Variants in DISC1 observed in about 807,000 individuals in gnomAD.
DISC1 encodes the protein disrupted in schizophrenia 1 protein.
A neutral mutation model predicts 84.5 loss-of-function variants in DISC1; 57 were observed. The observed-to-expected ratio is 0.67, with a 90% CI of 0.55 to 0.84. The LOEUF (loss-of-function observed/expected upper bound fraction) is 0.84, where lower values mean the gene tolerates loss of function less well. Ranked by LOEUF, DISC1 falls within the 40% of genes least tolerant of loss-of-function variation. The probability of loss-of-function intolerance (pLI) is 0.00; values close to 1 mark genes in which losing one functional copy is unlikely to be tolerated. For missense variants in DISC1, 1,000 were observed against 1,057.8 expected (o/e 0.95, Z 0.76); for synonymous variants, 411 against 415.2 (o/e 0.99, Z 0.12).
intron 9 of DISC1, chr1:231,943,888 T>C (rs1476202215): frequency 2.0e-5 from 3 of 152,064 alleles, no homozygotes; most frequent in Admixed American, 6.5e-5. Context: ...TACAGCTGGA[T>C]AATTTTTGTA....
intron 1 of DISC1, among the ~76,000 whole-genome samples, chr1:231,662,531 G>A (rs2061645518): frequency 6.6e-6 from 1 of 151,934 alleles, no homozygotes. Flanking sequence ...TGGCCACAGT[G>A]TGGCAAAGCA....
chr1:231,953,912 T>G (rs1032054917), intron 9 of DISC1, among the ~76,000 whole-genome samples: 3 of 152,196 alleles, frequency 2.0e-5, no homozygotes, highest in African/African-American at 7.2e-5. Flanking sequence ...CCATTCAATC[T>G]GATAGCAAGT....
intron 10 of DISC1, among the ~76,000 whole-genome samples, chr1:231,969,596 TTC>T (rs35308927): frequency 0.44 from 37,539 of 85,274 alleles, 4,616 homozygotes; most frequent in Non-Finnish European, 0.47. Context: ...CTTTCTTTCT[TTC>T]TTTTTTTTTT....
chr1:231,630,238 A>G lies in DISC1; in HGVS notation c.67+3304A>G, dbSNP rs1457342360. The stretch of plus-strand genomic sequence containing the variant: ...GCCACTGCGCCGGGCCCTTTAAACA[A>G]GATTTAAAGACCAGCACACAAAGTT... On this transcript the variant is annotated intron_variant, in intron 1 of 12. Coordinates refer to ENST00000439617, the MANE Select transcript of DISC1 (RefSeq NM_018662.3). The surrounding 1 kb of genome is among the most constrained non-coding windows in gnomAD (Gnocchi z 4.4). 6.6e-6 allele frequency among the ~76,000 whole-genome samples: 1 copy of G among 152,204 alleles called. No homozygotes were observed.
intron 8 of DISC1, among the ~76,000 whole-genome samples, chr1:231,808,840 T>C (rs2079980572): frequency 1.3e-5 from 2 of 152,224 alleles, no homozygotes; most frequent in African/African-American, 4.8e-5. Context: ...CATCCCCTGG[T>C]CTTCAGATGG....
chr1:232,025,700 C>T (rs547536004), intron 11 of DISC1, among the ~76,000 whole-genome samples: 16 of 151,602 alleles, frequency 1.1e-4, no homozygotes, highest in African/African-American at 3.6e-4. Flanking sequence ...GGGTTCACGC[C>T]ATTCTCCTGC....
chr1:231,722,158 A>G (rs1213689484), intron 3 of DISC1, among the ~76,000 whole-genome samples: 2 of 151,984 alleles, frequency 1.3e-5, no homozygotes, highest in African/African-American at 4.8e-5. Flanking sequence ...TCTCAAAAAA[A>G]AAAAAAAAAA....
Position 231,779,558 on chromosome 1 carries a change from T to G in DISC1, c.1634+8488T>G, listed in dbSNP as rs867632200. Among the ~76,000 whole-genome samples, 12 of 139,632 alleles carry G rather than the reference T, an allele frequency of 8.6e-5. No individual in the cohort carries two copies. The South Asian group carries it at 1.5e-3, about 17-fold the overall frequency. 91.6% of individuals were successfully genotyped at this position (139,632 alleles called of 152,430 possible). A position where few individuals can be genotyped will look rare whatever the true frequency, so the allele number is the denominator to read the frequency against. Reference sequence around the variant, plus strand: ...TGGTCAACCTATTCTTGTTTTTTTTTTTTTTTTTTTTTTTTTTTTTAAGAT... The same window carrying G: ...TGGTCAACCTATTCTTGTTTTTTTTGTTTTTTTTTTTTTTTTTTTTAAGAT... On this transcript the variant is annotated intron_variant, in intron 6 of 12. Coordinates refer to ENST00000439617, the MANE Select transcript of DISC1 (RefSeq NM_018662.3).
At chr1:231,829,103 A>T (rs200244284) in intron 9 of DISC1, among the ~76,000 whole-genome samples, 3 of 152,178 alleles carry the variant, frequency 2.0e-5, no homozygotes, top group Non-Finnish European at 4.4e-5. Flanking sequence ...TGAGGTGTTT[A>T]ATGATTATTT....
At chr1:231,722,897 T>G in intron 3 of DISC1, 1 of 1,318,634 alleles carries the variant, frequency 7.6e-7, no homozygotes, top group South Asian at 1.7e-5. Context: ...TTGTTCTGTG[T>G]TGGGACAATT....
chr1:231,717,394 G>T (rs1357775580), intron 3 of DISC1, among the ~76,000 whole-genome samples: 1 of 152,194 alleles, frequency 6.6e-6, no homozygotes, highest in Non-Finnish European at 1.5e-5. Context: ...AGTGGTAGCT[G>T]GGGGTCTCTA....
chr1:231,903,947 G>A (rs139729922), intron 9 of DISC1, among the ~76,000 whole-genome samples: 1 of 152,342 alleles, frequency 6.6e-6, no homozygotes, highest in African/African-American at 2.4e-5. Flanking sequence ...GTCAGGCTGG[G>A]CACAGAAGAA....
intron 1 of DISC1, among the ~76,000 whole-genome samples, chr1:231,660,005 G>A (rs1235161786): frequency 6.6e-6 from 1 of 152,180 alleles, no homozygotes; most frequent in Non-Finnish European, 1.5e-5. Context: ...ATCCAGGGCT[G>A]AGTTCAGGTC....
chr1:231,704,553 G>A (rs866190351), intron 3 of DISC1, among the ~76,000 whole-genome samples: 9 of 151,976 alleles, frequency 5.9e-5, no homozygotes, highest in South Asian at 2.1e-4. Context: ...TCAGGAGATC[G>A]ATACCATCCT....
At chr1:231,863,765 C>T (rs977079334) in intron 9 of DISC1, among the ~76,000 whole-genome samples, 1 of 152,190 alleles carries the variant, frequency 6.6e-6, no homozygotes, top group Non-Finnish European at 1.5e-5. Context: ...CCTGGTTTCT[C>T]ATCTCCGTAA....
At chr1:231,899,373 A>T (rs2126023175) in intron 9 of DISC1, among the ~76,000 whole-genome samples, 1 of 152,194 alleles carries the variant, frequency 6.6e-6, no homozygotes, top group Non-Finnish European at 1.5e-5. Flanking sequence ...TGGTCTGGGG[A>T]CCACATTCTG....
chr1:231,855,988 G>A (rs1377265433), intron 9 of DISC1, among the ~76,000 whole-genome samples: 1 of 152,226 alleles, frequency 6.6e-6, no homozygotes, highest in East Asian at 1.9e-4. Context: ...CACTCTCTGG[G>A]TGACTATCTG....
intron 9 of DISC1, among the ~76,000 whole-genome samples, chr1:231,861,207 C>T (rs2084620910): frequency 1.3e-5 from 2 of 152,130 alleles, no homozygotes; most frequent in Non-Finnish European, 2.9e-5. Flanking sequence ...AACAAAGATG[C>T]AATGAGACAT....
In DISC1 at chr1:231,694,775, C is replaced by T; in HGVS notation, c.1017C>T (p.Asp339=). Residue 339 remains aspartate (D), a synonymous_variant, in exon 2 of 13, where the codon GAC becomes GAT. Transcript: ENST00000439617. ...GGAAATGGGAGCCAGTGCTGCGGGA[C>T]TGCCTGCTGAGAAACCGGAGGCAGA... is the stretch of plus-strand genomic sequence containing the variant. The part of the protein sequence containing the change: ...LLRKWEPVLR[D]CLLRNRRQME... 9 of 1,613,958 alleles carry T rather than the reference C, an allele frequency of 5.6e-6. No homozygotes were observed. Among genetic ancestry groups the T allele is most frequent in the Non-Finnish European group, 6.8e-6 (8 of 1,180,048 alleles).
Sources: allele counts gnomAD v4.1 joint callset (sites outside exome capture counted in the v4.1 genomes callset), GRCh38; gene constraint gnomAD v4.1.1; non-coding constraint Gnocchi (gnomAD v3.1); transcripts MANE v1.5; gene names NCBI Gene and HGNC (gene_info 2026-07-23, HGNC 2026-07-21).